Variants in F11 observed in about 807,000 individuals in gnomAD.
F11 encodes coagulation factor XI, also known as coagualtion factor XI.
F11 carries 78 observed loss-of-function variants against 76.5 expected under a neutral mutation model. The ratio of observed to expected loss-of-function variants is 1.02; its 90% CI spans 0.85 to 1.23. F11 has a LOEUF of 1.23. F11 is among the 50% of genes most tolerant of loss of function. F11 has a pLI of 0.00. For synonymous variants in F11, 278 were observed against 276.3 expected (o/e 1.01, Z -0.06); for missense variants, 742 against 771.4 (o/e 0.96, Z 0.45).
At chr4:186,288,067 G>A (rs1741345316) in intron 14 of F11, among the ~76,000 whole-genome samples, 1 of 143,592 alleles carries the variant, frequency 7.0e-6, no homozygotes, top group South Asian at 2.2e-4. Flanking sequence ...ACCAAGCCCA[G>A]CTAGCGTCTT....
At chr4:186,289,682 ATT>A (rs11444909), downstream of F11, among the ~76,000 whole-genome samples, 29,409 of 137,596 alleles carry the variant, frequency 0.21, 3,080 homozygotes, top group East Asian at 0.46. Flanking sequence ...ATCAAGTGTG[ATT>A]TTTTTTTTTT....
chr4:186,271,820 T>C (rs1230157258), intron 3 of F11, 49 bp downstream of exon 3: 4 of 1,583,276 alleles, frequency 2.5e-6, no homozygotes, highest in Non-Finnish European at 3.5e-6. Context: ...TAAAGGGAGA[T>C]TGCTATTCTT....
intron 2 of F11, among the ~76,000 whole-genome samples, chr4:186,267,586 T>A (rs1224141184): frequency 6.6e-6 from 1 of 152,262 alleles, no homozygotes; most frequent in African/African-American, 2.4e-5. Context: ...ATGTAACTAT[T>A]CATACACAGT....
At chr4:186,283,182 C>T (rs1258699395) in intron 10 of F11, 1 of 358,512 alleles carries the variant, frequency 2.8e-6, no homozygotes, top group Non-Finnish European at 3.9e-6. Flanking sequence ...AACCCACAGG[C>T]ACATAAATTT....
intron 2 of F11, 104 bp from the exon 3 acceptor site, chr4:186,271,505 T>C: frequency 1.6e-6 from 2 of 1,264,962 alleles, no homozygotes; most frequent in East Asian, 4.6e-5. Context: ...CAGGCGTATT[T>C]CCTGGTAAGT....
At chr4:186,282,713 T>C (rs1477217014) in intron 10 of F11, 1 of 985,352 alleles carries the variant, frequency 1.0e-6, no homozygotes, top group South Asian at 4.7e-5. Context: ...AATTCCAGAA[T>C]AGATGGCCCT....
intron 10 of F11, chr4:186,282,566 G>C (rs956864196): frequency 1.6e-5 from 16 of 985,206 alleles, no homozygotes; most frequent in East Asian, 1.1e-4. Flanking sequence ...TCAGCATTTC[G>C]TTTAAACTGA....
chr4:186,277,359 G>A (rs1338685069), intron 7 of F11, among the ~76,000 whole-genome samples: 1 of 152,152 alleles, frequency 6.6e-6, no homozygotes, highest in African/African-American at 2.4e-5. Flanking sequence ...GAATAGTGCT[G>A]CAGTAAACAT....
At position 186,267,148 on chromosome 4, in the gene F11, A is replaced by T; in HGVS notation, c.12A>T (p.Leu4Phe). 1 of 1,575,912 alleles carries T rather than the reference A, an allele frequency of 6.3e-7. No homozygotes were observed. The highest frequency in any genetic ancestry group is 1.7e-5 in the Admixed American group (1 of 59,980). ...TTTCTCATTGTAGGATGATTTTCTT[A>T]TATCAAGTGGTACATTTCATTTTAT... MIF[L>F]YQVVHFILFT... The change falls in exon 2 of 15, where the codon TTA becomes TTT. Residue 4 changes from leucine to phenylalanine, a missense_variant. Leu to Phe is a conservative substitution (Grantham distance 22). Coordinates refer to ENST00000403665, the MANE Select transcript of F11 (RefSeq NM_000128.4).
intron 5 of F11, 63 bp from the exon 6 acceptor site, chr4:186,275,724 C>A: frequency 8.1e-7 from 1 of 1,231,642 alleles, no homozygotes; most frequent in Admixed American, 1.9e-5. Flanking sequence ...TTCTTAATAT[C>A]TCATGTTTTT....
chr4:186,274,483 A>C, intron 5 of F11: 1 of 621,120 alleles, frequency 1.6e-6, no homozygotes, highest in Non-Finnish European at 2.8e-6. Context: ...ATCTTTTAAT[A>C]ACACTGTCAG....
chr4:186,283,334 G>T (rs983786825), intron 10 of F11, among the ~76,000 whole-genome samples: 1 of 152,134 alleles, frequency 6.6e-6, no homozygotes, highest in South Asian at 2.1e-4. Flanking sequence ...CCAACCGGGA[G>T]GGTGGGTTCT....
intron 11 of F11, among the ~76,000 whole-genome samples, chr4:186,285,372 CTGTG>C (rs2126778230): frequency 6.6e-6 from 1 of 150,780 alleles, no homozygotes; most frequent in South Asian, 2.1e-4. Context: ...GTGTGCGTGT[CTGTG>C]TGTGCGTGTG....
chr4:186,289,933 G>A (rs182843527), downstream of F11, among the ~76,000 whole-genome samples: 1 of 151,898 alleles, frequency 6.6e-6, no homozygotes, highest in Non-Finnish European at 1.5e-5. Flanking sequence ...TGCCCACCTC[G>A]GCCTCTCAAA....
chr4:186,272,129 GA>G (rs933387778), intron 3 of F11, among the ~76,000 whole-genome samples: 5 of 151,228 alleles, frequency 3.3e-5, no homozygotes, highest in Admixed American at 1.3e-4. Context: ...TATTTTATTA[GA>G]AAAAAATAAA....
rs536740017 is a variant in F11 at position 186,268,141 on chromosome 4, A to T, written c.55+950A>T. 6.4e-4 allele frequency among the ~76,000 whole-genome samples: 97 copies of T among 152,250 alleles called. 1 individual carries two copies. The highest frequency in any genetic ancestry group is 1.6e-3 in the Admixed American group (25 of 15,290). On this transcript the variant is annotated intron_variant, in intron 2 of 14. Coordinates refer to ENST00000403665, the MANE Select transcript of F11 (RefSeq NM_000128.4). Reference sequence around the variant, plus strand: ...AAACAACATTGAAGTGAAATTTTTTAAAAAAAATTATATCTGCACTCAACA... The same window carrying T: ...AAACAACATTGAAGTGAAATTTTTTTAAAAAAATTATATCTGCACTCAACA...
chr4:186,284,591 G>A (rs1214298309), intron 11 of F11, among the ~76,000 whole-genome samples: 1 of 152,008 alleles, frequency 6.6e-6, no homozygotes, highest in Non-Finnish European at 1.5e-5. Context: ...AACTCACAGA[G>A]GATTTACCAT....
At chr4:186,273,025 A>G in intron 3 of F11, 46 bp from the exon 4 acceptor site, 1 of 1,307,892 alleles carries the variant, frequency 7.6e-7, no homozygotes, top group Non-Finnish European at 1.1e-6. Context: ...CATTATTTTA[A>G]AAACATAAAT....
intron 2 of F11, 48 bp downstream of exon 2, chr4:186,267,239 C>G: frequency 7.4e-6 from 8 of 1,082,344 alleles, no homozygotes; most frequent in Non-Finnish European, 1.2e-5. Context: ...GGAAATCACA[C>G]TGCAATCTCC....
Sources: allele counts gnomAD v4.1 joint callset (sites outside exome capture counted in the v4.1 genomes callset), GRCh38; gene constraint gnomAD v4.1.1; transcripts MANE v1.5; gene names NCBI Gene and HGNC (gene_info 2026-07-23, HGNC 2026-07-21).